APLF: variants seen among roughly 807,000 people sequenced by gnomAD.
APLF encodes aprataxin and PNK-like factor.
Under a neutral mutation model 55.6 loss-of-function variants are expected in APLF, and 61 were observed. The observed-to-expected ratio is 1.10, with a 90% CI of 0.89 to 1.36. The LOEUF is 1.36. Among genes scored for constraint, APLF ranks in the 40% most tolerant of loss-of-function variants. The pLI, the probability that APLF is intolerant of heterozygous loss-of-function variation, is 0.00. For synonymous variants in APLF, 207 were observed against 214.8 expected (o/e 0.96, Z 0.32); for missense variants, 611 against 602.5 (o/e 1.01, Z -0.15).
rs1024034594 is a variant in APLF, at chr2:68,509,985, G to A, written c.342-3095G>A. On this transcript the variant is annotated intron_variant, in intron 3 of 9. Coordinates refer to ENST00000303795, the MANE Select transcript of APLF (RefSeq NM_173545.3). ...TCGCAAGGACAAAAAACCAAACACTGCATGTTCTCACTCATAGGTGGGAAT... is the reference window on the plus strand; with the variant it reads ...TCGCAAGGACAAAAAACCAAACACTACATGTTCTCACTCATAGGTGGGAAT... 8.0e-4 allele frequency among the ~76,000 whole-genome samples: 120 copies of A among 149,134 alleles called. 1 individual carries two copies. The highest frequency in any genetic ancestry group is 2.9e-3 in the African/African-American group (117 of 40,612).
intron 2 of APLF, among the ~76,000 whole-genome samples, chr2:68,498,545 G>C (rs1365397897): frequency 6.6e-6 from 1 of 152,176 alleles, no homozygotes; most frequent in Non-Finnish European, 1.5e-5. Context: ...AAATGCTGTA[G>C]CTCTCCAGCA....
chr2:68,472,551 C>T (rs991346221), intron 1 of APLF, among the ~76,000 whole-genome samples: 5 of 152,030 alleles, frequency 3.3e-5, no homozygotes, highest in African/African-American at 1.2e-4. Context: ...TCAAGCTAGA[C>T]AGAATGATGT....
chr2:68,487,324 T>C (rs1467605808), intron 1 of APLF, among the ~76,000 whole-genome samples: 1 of 152,186 alleles, frequency 6.6e-6, no homozygotes. Context: ...TTAGGTTTCA[T>C]GTAATGATAT....
chr2:68,573,379 AAAGT>A (rs1160558268), intron 9 of APLF, among the ~76,000 whole-genome samples: 1 of 152,162 alleles, frequency 6.6e-6, no homozygotes. Flanking sequence ...TGTAGTTTAA[AAAGT>A]AATTTCCGGC....
intron 3 of APLF, among the ~76,000 whole-genome samples, chr2:68,510,108 A>G (rs1338785700): frequency 1.3e-5 from 2 of 150,842 alleles, no homozygotes; most frequent in East Asian, 3.9e-4. Flanking sequence ...TAGGAGATAC[A>G]CCTAATGTAA....
intron 4 of APLF, 98 bp downstream of exon 4, chr2:68,513,325 C>T (rs1669459617): frequency 4.3e-6 from 6 of 1,381,992 alleles, no homozygotes; most frequent in Non-Finnish European, 5.8e-6. Context: ...GACAATATTG[C>T]CAGCATTTAT....
chr2:68,486,268 G>A (rs1212349145), intron 1 of APLF, among the ~76,000 whole-genome samples: 3 of 151,952 alleles, frequency 2.0e-5, no homozygotes, highest in Non-Finnish European at 4.4e-5. Context: ...AGTGGGGAAT[G>A]GTATTTTGAA....
chr2:68,545,590 A>C (rs1670682649), intron 8 of APLF, among the ~76,000 whole-genome samples: 1 of 152,314 alleles, frequency 6.6e-6, no homozygotes, highest in African/African-American at 2.4e-5. Context: ...ATGCTACCCC[A>C]ATATACACTT....
At chr2:68,515,648 A>C in intron 5 of APLF, 1 of 984,710 alleles carries the variant, frequency 1.0e-6, no homozygotes, top group East Asian at 1.1e-4. Context: ...GAATGAGAGT[A>C]ATTTGACATT....
At chr2:68,534,083 C>T (rs1670327490) in intron 6 of APLF, among the ~76,000 whole-genome samples, 1 of 152,112 alleles carries the variant, frequency 6.6e-6, no homozygotes, top group African/African-American at 2.4e-5. Flanking sequence ...TAAAAGTATT[C>T]AGGAATAAAA....
intron 1 of APLF, among the ~76,000 whole-genome samples, chr2:68,472,353 A>T (rs1675643645): frequency 1.3e-5 from 2 of 152,182 alleles, no homozygotes; most frequent in African/African-American, 2.4e-5. Flanking sequence ...AAAGAAATAT[A>T]TTTTAGGGTA....
chr2:68,541,813 A>T (rs1424982158), intron 7 of APLF, among the ~76,000 whole-genome samples: 1 of 152,192 alleles, frequency 6.6e-6, no homozygotes, highest in Non-Finnish European at 1.5e-5. Flanking sequence ...TTCTAAAATC[A>T]TGTGGGATCT....
At chr2:68,482,057 G>T (rs971925076) in intron 1 of APLF, among the ~76,000 whole-genome samples, 2 of 149,088 alleles carry the variant, frequency 1.3e-5, no homozygotes, top group Non-Finnish European at 3.0e-5. Flanking sequence ...CTTTCTTAAA[G>T]TTATTTTGAA....
chr2:68,473,271 T>C (rs114862587), intron 1 of APLF, among the ~76,000 whole-genome samples: 1,624 of 152,334 alleles, frequency 0.011, 35 homozygotes, highest in African/African-American at 0.037. Context: ...GTTGGAGTCA[T>C]ACAGTACATA....
In APLF at chr2:68,509,617, G is replaced by C. The variant is rs150201660; in HGVS notation, c.342-3463G>C. ...AAATAGGAACACTTTTACACTGTTG[G>C]TGGGACTGTAAACTAGTTCAACCAC... On this transcript the variant is annotated intron_variant, in intron 3 of 9. Transcript: ENST00000303795. Among the ~76,000 whole-genome samples, 989 of 152,218 alleles carry C rather than the reference G, an allele frequency of 6.5e-3. 7 individuals are homozygous for C. Among genetic ancestry groups the C allele is most frequent in the African/African-American group, 0.023 (945 of 41,552 alleles).
chr2:68,493,972 G>T (rs1573171746), intron 2 of APLF, among the ~76,000 whole-genome samples: 1 of 152,124 alleles, frequency 6.6e-6, no homozygotes, highest in African/African-American at 2.4e-5. Context: ...TCCAGGCGTG[G>T]TGGCGGGTGC....
chr2:68,518,556 T>A (rs1449639078), intron 5 of APLF, among the ~76,000 whole-genome samples: 1 of 120,256 alleles, frequency 8.3e-6, no homozygotes, highest in African/African-American at 3.3e-5. Flanking sequence ...ATATCAATAA[T>A]GTATCATGAA....
At chr2:68,499,407 A>G (rs1459330885) in intron 2 of APLF, among the ~76,000 whole-genome samples, 3 of 152,242 alleles carry the variant, frequency 2.0e-5, no homozygotes, top group Non-Finnish European at 4.4e-5. Flanking sequence ...CTTTTGTGAT[A>G]TCAAGAAAAG....
At chr2:68,522,200 C>T (rs558878743) in intron 5 of APLF, among the ~76,000 whole-genome samples, 16 of 151,804 alleles carry the variant, frequency 1.1e-4, no homozygotes, top group African/African-American at 3.6e-4. Context: ...ATATTAGATT[C>T]TGATAAATAG....
Sources: allele counts gnomAD v4.1 joint callset (sites outside exome capture counted in the v4.1 genomes callset), GRCh38; gene constraint gnomAD v4.1.1; transcripts MANE v1.5; gene names NCBI Gene and HGNC (gene_info 2026-07-23, HGNC 2026-07-21).